Variants in TMEM108 observed in about 807,000 individuals in gnomAD.
The protein encoded by TMEM108 is cancer/testis antigen 124.
In TMEM108, 12 loss-of-function variants were observed where a neutral mutation model predicts 35.1. That is an observed-to-expected ratio of 0.34 (90% confidence interval 0.22 to 0.55). The LOEUF (loss-of-function observed/expected upper bound fraction) is 0.55. Ranked by LOEUF, TMEM108 falls within the 20% of genes least tolerant of loss-of-function variation. The pLI is 0.89. For missense variants in TMEM108, 680 were observed against 753.3 expected (o/e 0.90, Z 1.14); for synonymous variants, 287 against 308.6 (o/e 0.93, Z 0.73).
At chr3:133,378,875 A>G (rs1042620668) in intron 3 of TMEM108, among the ~76,000 whole-genome samples, 7 of 149,110 alleles carry the variant, frequency 4.7e-5, no homozygotes, top group African/African-American at 7.4e-5. Context: ...ACCAATGACA[A>G]TTTTTCAGAG....
At position 133,239,041 on chromosome 3, in the gene TMEM108, C is replaced by A. The variant is rs16840090; in HGVS notation, c.40+9690C>A. Among the ~76,000 whole-genome samples, 2,500 of 152,230 alleles carry A rather than the reference C, an allele frequency of 0.016. 151 individuals are homozygous for A. In the East Asian group the frequency reaches 0.21, roughly 13 times the overall value. The stretch of plus-strand genomic sequence containing the variant: ...CCTTCATGGACAGTGATTAAGACTG[C>A]GTGAGTTCAAGTCCTGGCATACCAC... On this transcript the variant is annotated intron_variant, in intron 3 of 5. Transcript: ENST00000321871.
At chr3:133,148,743 C>T (rs1447774809) in intron 2 of TMEM108, among the ~76,000 whole-genome samples, 4 of 152,090 alleles carry the variant, frequency 2.6e-5, no homozygotes, top group Non-Finnish European at 5.9e-5. Context: ...TGTCTGTAAT[C>T]CCAACACTTT....
intron 3 of TMEM108, among the ~76,000 whole-genome samples, chr3:133,232,388 T>C (rs1003615628): frequency 1.3e-5 from 2 of 152,134 alleles, no homozygotes; most frequent in Admixed American, 1.3e-4. Flanking sequence ...CACCATGTGA[T>C]CTCTGCACAT....
At chr3:133,175,121 A>C (rs1276735757) in intron 2 of TMEM108, among the ~76,000 whole-genome samples, 1 of 152,212 alleles carries the variant, frequency 6.6e-6, no homozygotes, top group African/African-American at 2.4e-5. Flanking sequence ...AGGGAAGTTT[A>C]GAGAAAAAAG....
intron 3 of TMEM108, among the ~76,000 whole-genome samples, chr3:133,309,682 C>CTTTTTT (rs148272827): frequency 1.4e-5 from 1 of 69,138 alleles, no homozygotes. Flanking sequence ...GAGTGAGTTT[C>CTTTTTT]TTTTTTTTTT....
chr3:133,304,016 AGTAATAT>A (rs1234347706), intron 3 of TMEM108, among the ~76,000 whole-genome samples: 1 of 152,230 alleles, frequency 6.6e-6, no homozygotes, highest in Non-Finnish European at 1.5e-5. Flanking sequence ...TTCAACCCAT[AGTAATAT>A]GGCTCTGCCA....
chr3:133,083,472 A>C (rs1943841457), intron 2 of TMEM108, among the ~76,000 whole-genome samples: 1 of 152,164 alleles, frequency 6.6e-6, no homozygotes. Context: ...TCCAACCTTC[A>C]GAAGTTTACT....
rs57407869 is a variant in TMEM108 at position 133,285,556 on chromosome 3, C to T, written c.40+56205C>T. Reference sequence around the variant, plus strand: ...AGCTTGGTTCAGTTTCTGATCAGACCGTGTCTTTGTTCTTCTTTTGTAGAC... The same window carrying T: ...AGCTTGGTTCAGTTTCTGATCAGACTGTGTCTTTGTTCTTCTTTTGTAGAC... On this transcript the variant is annotated intron_variant, in intron 3 of 5. Transcript: ENST00000321871. 9.2e-3 allele frequency among the ~76,000 whole-genome samples: 1,397 copies of T among 152,254 alleles called. 21 individuals are homozygous for T. Among genetic ancestry groups the T allele is most frequent in the African/African-American group, 0.031 (1,268 of 41,546 alleles).
chr3:133,043,771 A>G (rs1044913080), intron 1 of TMEM108, among the ~76,000 whole-genome samples: 3 of 152,084 alleles, frequency 2.0e-5, no homozygotes, highest in African/African-American at 7.2e-5. Flanking sequence ...ACATGCTAGG[A>G]ATTAAAAAAA....
chr3:133,179,009 A>G (rs1230879117), intron 2 of TMEM108, among the ~76,000 whole-genome samples: 1 of 152,208 alleles, frequency 6.6e-6, no homozygotes, highest in African/African-American at 2.4e-5. Flanking sequence ...ATGAACAGAC[A>G]CTTCTCAAAA....
chr3:133,281,928 T>C (rs1211259336), intron 3 of TMEM108, among the ~76,000 whole-genome samples: 3 of 152,042 alleles, frequency 2.0e-5, no homozygotes, highest in Admixed American at 6.6e-5. Flanking sequence ...GAGGCCAAGG[T>C]GGGCGGATCA....
intron 2 of TMEM108, among the ~76,000 whole-genome samples, chr3:133,083,172 C>T (rs561552750): frequency 1.4e-4 from 14 of 98,998 alleles, no homozygotes; most frequent in East Asian, 7.2e-4. Flanking sequence ...CTTGGAAAGC[C>T]CCCCCCCACC....
chr3:133,088,080 C>T (rs1188387743), intron 2 of TMEM108, among the ~76,000 whole-genome samples: 5 of 152,116 alleles, frequency 3.3e-5, no homozygotes, highest in African/African-American at 9.7e-5. Context: ...GGGGCCGAAA[C>T]ATTTTAGCCT....
intron 3 of TMEM108, among the ~76,000 whole-genome samples, chr3:133,342,454 G>A (rs1328253228): frequency 6.7e-6 from 1 of 148,630 alleles, no homozygotes; most frequent in African/African-American, 2.5e-5. Context: ...TTGCATGTCT[G>A]TATCAAAATA....
chr3:133,213,064 A>C (rs1945857473), intron 2 of TMEM108, among the ~76,000 whole-genome samples: 1 of 152,122 alleles, frequency 6.6e-6, no homozygotes, highest in African/African-American at 2.4e-5. Flanking sequence ...GACTTATGCT[A>C]TAAAAAAGCC....
intron 2 of TMEM108, among the ~76,000 whole-genome samples, chr3:133,185,734 T>C (rs1460771295): frequency 6.6e-6 from 1 of 151,690 alleles, no homozygotes; most frequent in Non-Finnish European, 1.5e-5. Context: ...CTCCACTGCC[T>C]TTGGCCAATG....
intron 2 of TMEM108, among the ~76,000 whole-genome samples, chr3:133,166,612 G>A (rs187128232): frequency 5.3e-5 from 8 of 151,970 alleles, no homozygotes; most frequent in Admixed American, 2.0e-4. Context: ...CTCTTAAAGC[G>A]GCGTGTCTGG....
intron 2 of TMEM108, among the ~76,000 whole-genome samples, chr3:133,197,965 C>A (rs1257635529): frequency 6.6e-6 from 1 of 152,194 alleles, no homozygotes; most frequent in Non-Finnish European, 1.5e-5. Context: ...ATAATGGCTT[C>A]TCCTTCTCTT....
At chr3:133,173,411 C>T (rs1212649869) in intron 2 of TMEM108, among the ~76,000 whole-genome samples, 2 of 152,204 alleles carry the variant, frequency 1.3e-5, no homozygotes, top group African/African-American at 4.8e-5. Flanking sequence ...ATCATTTCTT[C>T]AACCTGAATT....
Sources: gnomAD v4.1 joint callset for allele counts (sites outside exome capture counted in the v4.1 genomes callset) on GRCh38, gnomAD v4.1.1 for gene constraint, MANE v1.5 for transcripts, NCBI Gene and HGNC (gene_info 2026-07-23, HGNC 2026-07-21) for gene names.